The following RBP7 variants were observed in gnomAD, a reference collection of about 807,000 sequenced individuals.
RBP7 encodes retinoid-binding protein 7.
RBP7 carries 13 observed loss-of-function variants against 16.7 expected under a neutral mutation model. The ratio of observed to expected loss-of-function variants is 0.78; its 90% CI spans 0.51 to 1.24. The LOEUF is 1.24. RBP7 is among the 50% of genes most tolerant of loss of function. RBP7 has a pLI of 0.00. For synonymous variants in RBP7, 54 were observed against 56.2 expected, an observed-to-expected ratio of 0.96 and a Z score of 0.17; for missense variants, 145 against 159.5, an observed-to-expected ratio of 0.91 and a Z score of 0.49.
Position 9,998,000 on chromosome 1 carries a change from G to A in RBP7, c.73+669G>A, listed in dbSNP as rs946910672. Among the ~76,000 whole-genome samples the A allele has an allele frequency of 6.6e-6, 1 of 152,140 alleles. No homozygotes were observed. Among genetic ancestry groups the A allele is most frequent in the African/African-American group, 2.4e-5 (1 of 41,442 alleles). On this transcript the variant is annotated intron_variant, in intron 1 of 3. Transcript: ENST00000294435. The surrounding 1 kb of genome is among the most constrained non-coding windows in gnomAD (Gnocchi z 5.9). ...GGGTGCCCGCGGCGTTCTTGCTCCCGGGGGCCCCGCGCTGTGCTTCCCGCC... is the reference window on the plus strand; with the variant it reads ...GGGTGCCCGCGGCGTTCTTGCTCCCAGGGGCCCCGCGCTGTGCTTCCCGCC...
intron 1 of RBP7, among the ~76,000 whole-genome samples, chr1:10,001,825 A>ATTTATTTATTTG (rs1475384961): frequency 6.6e-6 from 1 of 150,502 alleles, no homozygotes; most frequent in Non-Finnish European, 1.5e-5. Context: ...TTATTTATTT[A>ATTTATTTATTTG]TTTATTTATT....
At chr1:9,998,407 C>CTTTCTTTCTTTCTT (rs1553129444) in intron 1 of RBP7, among the ~76,000 whole-genome samples, 6 of 121,588 alleles carry the variant, frequency 4.9e-5, no homozygotes, top group East Asian at 2.4e-4. Context: ...TTCTTTCTTT[C>CTTTCTTTCTTTCTT]TTTTTTTTTT....
Position 9,997,398 on chromosome 1 carries a change from C to A in RBP7, c.73+67C>A. 2 of 1,482,426 alleles carry A rather than the reference C, an allele frequency of 1.3e-6. No individual in the cohort carries two copies. 91.8% of individuals were successfully genotyped at this position (1,482,426 alleles called of 1,614,324 possible). A position where few individuals can be genotyped will look rare whatever the true frequency, so the allele number is the denominator to read the frequency against. On this transcript the variant is annotated intron_variant, in intron 1 of 3. Coordinates refer to ENST00000294435, the MANE Select transcript of RBP7 (RefSeq NM_052960.3). The surrounding 1 kb of genome is among the most constrained non-coding windows in gnomAD (Gnocchi z 5.9). ...GGGTCTCGGGATCAGGCGAAGGCGG[C>A]CGGGCCGGGCCTGTAGGTACGTCCT...
At position 10,008,249 on chromosome 1, in the gene RBP7, G is replaced by A; in HGVS notation, c.329G>A (p.Trp110Ter). Reference sequence around the variant, plus strand: ...AAGAAGAACAGAGGCTGGACCCATTGGATCGAAGGAGACAAACTCCACCTG... The same window carrying A: ...AAGAAGAACAGAGGCTGGACCCATTAGATCGAAGGAGACAAACTCCACCTG... ...GEKKNRGWTH[W>*]IEGDKLHLEM... is the part of the protein sequence containing the mutation. The change falls in exon 3 of 4, where the codon TGG (tryptophan) becomes TAG (stop). Residue 110 changes from tryptophan (W) to a stop codon, truncating the protein, a stop_gained. Coordinates refer to ENST00000294435, the MANE Select transcript of RBP7 (RefSeq NM_052960.3). LOFTEE classifies it high-confidence loss of function. 1.2e-6 allele frequency: 2 copies of A among 1,611,470 alleles called. No individual in the cohort carries two copies. Among genetic ancestry groups the A allele is most frequent in the Non-Finnish European group, 1.7e-6 (2 of 1,177,966 alleles).
At chr1:10,007,490 T>G in intron 1 of RBP7, 80 bp from the exon 2 acceptor site, 1 of 996,978 alleles carries the variant, frequency 1.0e-6, no homozygotes, top group East Asian at 2.6e-5. Context: ...TTACATGTGG[T>G]GATTTTGAGA....
At chr1:10,013,525 T>C (rs1642686664) in intron 3 of RBP7, among the ~76,000 whole-genome samples, 2 of 151,748 alleles carry the variant, frequency 1.3e-5, no homozygotes, top group South Asian at 4.2e-4. Flanking sequence ...CTACAAAAAA[T>C]TGGCTGGGGG....
intron 1 of RBP7, among the ~76,000 whole-genome samples, chr1:10,000,549 A>G (rs977552257): frequency 3.1e-4 from 47 of 151,764 alleles, no homozygotes; most frequent in African/African-American, 1.0e-3. Context: ...AAATAAGTCA[A>G]TAAGACAAAA....
chr1:10,012,231 A>T (rs1021797317), intron 3 of RBP7, among the ~76,000 whole-genome samples: 130 of 150,686 alleles, frequency 8.6e-4, no homozygotes, highest in Non-Finnish European at 1.5e-3. Flanking sequence ...AAAAAAAAAA[A>T]AATTAGCCGG....
At position 9,997,814 on chromosome 1, in the gene RBP7, C is replaced by T. The variant is rs1185721616; in HGVS notation, c.73+483C>T. On this transcript the variant is annotated intron_variant, in intron 1 of 3. Transcript: ENST00000294435. This position sits in a 1 kb window ranked among gnomAD's most constrained non-coding sequence, Gnocchi z 5.9. ...CGTGCAGGCCCCGGGGCCCCGGGCGCGCTCCCGCAGCGAAGTCCCAGCAGC... is the reference window on the plus strand; with the variant it reads ...CGTGCAGGCCCCGGGGCCCCGGGCGTGCTCCCGCAGCGAAGTCCCAGCAGC... Among the ~76,000 whole-genome samples, 1 of 151,966 alleles carries T rather than the reference C, an allele frequency of 6.6e-6. No homozygotes were observed. The highest frequency in any genetic ancestry group is 1.5e-5 in the Non-Finnish European group (1 of 67,958).
At chr1:10,007,917 G>T (rs1471289367) in intron 2 of RBP7, among the ~76,000 whole-genome samples, 169 bp downstream of exon 2, 1 of 151,944 alleles carries the variant, frequency 6.6e-6, no homozygotes, top group African/African-American at 2.4e-5. Context: ...GGGCGTGCTG[G>T]CAGGAGCCTG....
At position 10,004,065 on chromosome 1, in the gene RBP7, A is replaced by AT. The variant is rs56955055; in HGVS notation, c.74-3480dup. On this transcript the variant is annotated intron_variant, in intron 1 of 3. Transcript: ENST00000294435. The stretch of plus-strand genomic sequence containing the variant: ...ACTACCACGCCTGGCCTGCCTCACA[A>AT]TTTTTTTTTTTTTTTTTTTTTTTTT... 7.0e-3 allele frequency: 583 copies of AT among 83,196 alleles called. 4 individuals carry two copies. Among genetic ancestry groups the AT allele is most frequent in the African/African-American group, 0.022 (460 of 20,860 alleles). The allele number at this position is 83,196 out of a possible 1,614,324, so 5.2% of individuals were successfully genotyped here.
chr1:9,997,433 C>A lies in RBP7; in HGVS notation c.73+102C>A. ...CCTGTAGGTACGTCCTCTGTCCGTG[C>A]CTCCGCCCTGCTGCGCCCACCGTCG... On this transcript the variant is annotated intron_variant, in intron 1 of 3. Coordinates refer to ENST00000294435, the MANE Select transcript of RBP7 (RefSeq NM_052960.3). This position sits in a 1 kb window ranked among gnomAD's most constrained non-coding sequence, Gnocchi z 5.9. 8.8e-7 allele frequency: 1 copy of A among 1,133,728 alleles called. No homozygotes were observed. The highest frequency in any genetic ancestry group is 1.3e-6 in the Non-Finnish European group (1 of 774,494). 70.2% of individuals were successfully genotyped at this position (1,133,728 alleles called of 1,614,324 possible).
At chr1:10,010,751 A>C (rs1642593993) in intron 3 of RBP7, among the ~76,000 whole-genome samples, 1 of 151,222 alleles carries the variant, frequency 6.6e-6, no homozygotes, top group Non-Finnish European at 1.5e-5. Context: ...CGCCTGGCTA[A>C]TTTTGTATTT....
chr1:9,999,972 G>C (rs1642233891), intron 1 of RBP7, among the ~76,000 whole-genome samples: 1 of 152,036 alleles, frequency 6.6e-6, no homozygotes, highest in Admixed American at 6.6e-5. Flanking sequence ...GCTCACACCT[G>C]TAATCCCAGC....
intron 1 of RBP7, among the ~76,000 whole-genome samples, chr1:9,998,407 C>CTTTCTTTCTTTTTT: frequency 8.2e-6 from 1 of 121,574 alleles, no homozygotes; most frequent in Non-Finnish European, 1.6e-5. Context: ...TTCTTTCTTT[C>CTTTCTTTCTTTTTT]TTTTTTTTTT....
At chr1:9,999,573 T>C (rs1642229315) in intron 1 of RBP7, among the ~76,000 whole-genome samples, 1 of 151,950 alleles carries the variant, frequency 6.6e-6, no homozygotes, top group South Asian at 2.1e-4. Flanking sequence ...TAATAATAAG[T>C]TACCCACTCT....
At chr1:10,008,053 CAA>C (rs372996268) in intron 2 of RBP7, 118 bp from the exon 3 acceptor site, 12,018 of 531,182 alleles carry the variant, frequency 0.023, no homozygotes, top group South Asian at 0.037. Context: ...GACTCCATCT[CAA>C]AAAAAAAAAA....
chr1:10,010,087 T>G (rs1319343720), intron 3 of RBP7, among the ~76,000 whole-genome samples: 1 of 152,182 alleles, frequency 6.6e-6, no homozygotes, highest in African/African-American at 2.4e-5. Flanking sequence ...AGAGGCCATG[T>G]GCTGACAACT....
At chr1:10,013,992 A>G (rs1458552100) in intron 3 of RBP7, among the ~76,000 whole-genome samples, 1 of 151,822 alleles carries the variant, frequency 6.6e-6, no homozygotes, top group African/African-American at 2.4e-5. Context: ...AAAAAGGAGT[A>G]AGGCCTTGTC....
Sources: allele counts gnomAD v4.1 joint callset (sites outside exome capture counted in the v4.1 genomes callset), GRCh38; gene constraint gnomAD v4.1.1; non-coding constraint Gnocchi (gnomAD v3.1); transcripts MANE v1.5; gene names NCBI Gene and HGNC (gene_info 2026-07-23, HGNC 2026-07-21).